Variants in RBM6 observed in about 807,000 individuals in gnomAD.
The protein encoded by RBM6 is RNA-binding protein 6.
In RBM6, 23 loss-of-function variants were observed where a neutral mutation model predicts 140.4. The ratio of observed to expected loss-of-function variants is 0.16; its 90% CI spans 0.12 to 0.23. The LOEUF (loss-of-function observed/expected upper bound fraction) is 0.23, where lower values mean the gene tolerates loss of function less well. Ranked by LOEUF, RBM6 falls within the 10% of genes least tolerant of loss-of-function variation. RBM6 has a pLI of 1.00. For synonymous variants in RBM6, 439 were observed against 475.6 expected (o/e 0.92, Z 1.00); for missense variants, 1,139 against 1,386.7 (o/e 0.82, Z 2.84).
intron 6 of RBM6, among the ~76,000 whole-genome samples, chr3:50,037,124 G>T (rs2088589395): frequency 6.6e-6 from 1 of 152,096 alleles, no homozygotes; most frequent in Non-Finnish European, 1.5e-5. Context: ...AATTGGCTGG[G>T]CATGATGGCT....
chr3:50,064,241 C>G (rs2090042671), intron 15 of RBM6, among the ~76,000 whole-genome samples: 1 of 151,968 alleles, frequency 6.6e-6, no homozygotes, highest in Non-Finnish European at 1.5e-5. Flanking sequence ...TTTTTTTCCC[C>G]TTCTAACACT....
At chr3:50,057,650 T>C (rs2089762048) in intron 8 of RBM6, 78 bp from the exon 9 acceptor site, 1 of 1,294,030 alleles carries the variant, frequency 7.7e-7, no homozygotes, top group Non-Finnish European at 1.1e-6. Context: ...TAAGGAGAAA[T>C]TACAGTAGCA....
At chr3:49,984,655 C>T (rs114202296) in intron 5 of RBM6, among the ~76,000 whole-genome samples, 59 of 144,066 alleles carry the variant, frequency 4.1e-4, no homozygotes, top group Middle Eastern at 3.5e-3. Context: ...CGCATCGCAT[C>T]GCATCGCATT....
At chr3:50,007,488 TTAG>T (rs1409883462) in intron 6 of RBM6, among the ~76,000 whole-genome samples, 1 of 151,204 alleles carries the variant, frequency 6.6e-6, no homozygotes, top group Non-Finnish European at 1.5e-5. Flanking sequence ...TGTCCGGCCC[TTAG>T]TAGGAGTTTC....
intron 5 of RBM6, among the ~76,000 whole-genome samples, chr3:49,986,434 A>C (rs1010977907): frequency 1.3e-5 from 2 of 151,680 alleles, no homozygotes; most frequent in Non-Finnish European, 2.9e-5. Context: ...CTGTACTAAA[A>C]AATACAAAAA....
In RBM6 at chr3:50,066,364, G is replaced by A. The variant is rs149106535; in HGVS notation, c.2805G>A (p.Lys935=). Residue 935 remains lysine (K), a synonymous_variant, in exon 17 of 21, where the codon AAG becomes AAA. Transcript: ENST00000266022. ...PPQPRTAQPQ[K]REEQTKKENE... is the part of the protein sequence containing the mutation. ...AGCCCCGCACAGCACAGCCCCAGAA[G>A]CGAGAGGAGCAAACCAAGAAGGAGA... 5.0e-5 allele frequency: 80 copies of A among 1,613,964 alleles called. No homozygotes were observed. The highest frequency in any genetic ancestry group is 1.7e-4 in the Admixed American group (10 of 59,984).
At chr3:50,075,904 T>C (rs2090444651) in intron 20 of RBM6, among the ~76,000 whole-genome samples, 1 of 152,176 alleles carries the variant, frequency 6.6e-6, no homozygotes, top group African/African-American at 2.4e-5. Flanking sequence ...AGCCTGTATC[T>C]TGCAATCATA....
At chr3:49,950,706 G>GATC (rs369799942) in intron 1 of RBM6, among the ~76,000 whole-genome samples, 1 of 151,558 alleles carries the variant, frequency 6.6e-6, no homozygotes, top group South Asian at 2.1e-4. Context: ...AGTAAGCTGA[G>GATC]ATCATGTCAC....
chr3:50,020,788 A>G (rs887243542), intron 6 of RBM6, among the ~76,000 whole-genome samples: 5 of 152,190 alleles, frequency 3.3e-5, no homozygotes, highest in Non-Finnish European at 7.3e-5. Flanking sequence ...TATGATAGGC[A>G]GTTGTGACAC....
chr3:49,982,644 CCGAGCT>C (rs1279574068), intron 5 of RBM6, among the ~76,000 whole-genome samples: 1 of 151,786 alleles, frequency 6.6e-6, no homozygotes, highest in Non-Finnish European at 1.5e-5. Context: ...TCTTGAACTC[CCGAGCT>C]CAGGTGATCC....
intron 5 of RBM6, among the ~76,000 whole-genome samples, chr3:49,989,303 G>A (rs368054980): frequency 1.1e-4 from 16 of 152,260 alleles, no homozygotes; most frequent in African/African-American, 2.9e-4. Context: ...GGCCAGGCCC[G>A]GTGGCTCATG....
rs374404179 is a variant in RBM6, at chr3:50,044,522, G to A, written c.1558-3723G>A. 4.2e-4 allele frequency among the ~76,000 whole-genome samples: 64 copies of A among 151,638 alleles called. 7 individuals carry two copies. The highest frequency in any genetic ancestry group is 3.9e-3 in the East Asian group (20 of 5,114). On this transcript the variant is annotated intron_variant, in intron 6 of 20. Transcript: ENST00000266022. Reference sequence around the variant, plus strand: ...TGCTCGAACTTGGGAGGCGGAGGTTGCAGTGAGCCAAAATCGCATCACTGC... The same window carrying A: ...TGCTCGAACTTGGGAGGCGGAGGTTACAGTGAGCCAAAATCGCATCACTGC...
chr3:50,007,846 A>G (rs1459865281), intron 6 of RBM6, among the ~76,000 whole-genome samples: 3 of 152,098 alleles, frequency 2.0e-5, no homozygotes, highest in Non-Finnish European at 4.4e-5. Flanking sequence ...AGAATCTTAA[A>G]TTTTCTAAAG....
Position 50,066,350 on chromosome 3 carries a change from G to A in RBM6, c.2791G>A (p.Ala931Thr), listed in dbSNP as rs149919732. The A allele has an allele frequency of 1.9e-6, 3 of 1,613,970 alleles. No homozygotes were observed. Among genetic ancestry groups the A allele is most frequent in the Non-Finnish European group, 2.5e-6 (3 of 1,180,044 alleles). ...EQTPPPQPRTAQPQKREEQTK... is the reference protein window; with the variant it reads ...EQTPPPQPRTTQPQKREEQTK... ...GACCCCTCCCCCACAGCCCCGCACA[G>A]CACAGCCCCAGAAGCGAGAGGAGCA... The change falls in exon 17 of 21, where the codon GCA becomes ACA. Residue 931 changes from alanine to threonine, a missense_variant. Around this residue, in one of 9 missense-constraint regions of RBM6, gnomAD observed 23 missense variants for 19.2 expected, o/e 1.20. Transcript: ENST00000266022.
intron 5 of RBM6, among the ~76,000 whole-genome samples, chr3:49,998,582 C>A (rs1174939866): frequency 6.6e-6 from 1 of 152,166 alleles, no homozygotes; most frequent in African/African-American, 2.4e-5. Context: ...CCCAGGACTT[C>A]CCAGTCTCGT....
At chr3:50,058,031 G>T in intron 9 of RBM6, 28 bp downstream of exon 9, 2 of 1,604,674 alleles carry the variant, frequency 1.2e-6, no homozygotes, top group Middle Eastern at 2.2e-4. Context: ...GCACATACCA[G>T]ACTGTGATCA....
At chr3:49,962,745 TTTCGCCTAC>T in intron 2 of RBM6, 60 bp downstream of exon 2, 1 of 1,381,160 alleles carries the variant, frequency 7.2e-7, no homozygotes, top group Non-Finnish European at 9.9e-7. Context: ...TGTGTAACAT[TTTCGCCTAC>T]TATAAATGAA....
chr3:50,025,960 G>A (rs983859578), intron 6 of RBM6, among the ~76,000 whole-genome samples: 1 of 152,124 alleles, frequency 6.6e-6, no homozygotes, highest in Non-Finnish European at 1.5e-5. Context: ...TGGGTGTGGT[G>A]GCAGACGCCT....
chr3:50,021,938 T>G (rs1575718776), intron 6 of RBM6, among the ~76,000 whole-genome samples: 1 of 151,370 alleles, frequency 6.6e-6, no homozygotes, highest in African/African-American at 2.4e-5. Context: ...TATCGTAGCT[T>G]CTCTAGAGAA....
Sources: gnomAD v4.1 joint callset for allele counts (sites outside exome capture counted in the v4.1 genomes callset) on GRCh38, gnomAD v4.1.1 for gene constraint, gnomAD v4.1.1 regional missense constraint, MANE v1.5 for transcripts, NCBI Gene and HGNC (gene_info 2026-07-23, HGNC 2026-07-21) for gene names.